CCDC186: variants seen among roughly 807,000 people sequenced by gnomAD.
The protein encoded by CCDC186 is coiled-coil domain containing 186.
In CCDC186, 49 loss-of-function variants were observed where a neutral mutation model predicts 113.7. The ratio of observed to expected loss-of-function variants is 0.43; its 90% CI spans 0.34 to 0.55. CCDC186 has a LOEUF of 0.55. CCDC186 is among the 20% of genes least tolerant of loss of function. The pLI is 0.02. For synonymous variants in CCDC186, 355 were observed against 345.8 expected (o/e 1.03, Z -0.30); for missense variants, 890 against 1,011.1 (o/e 0.88, Z 1.62).
rs534131057 is a variant in CCDC186, at chr10:114,167,797, C to T, written c.-61-4468G>A. 2.3e-3 allele frequency among the ~76,000 whole-genome samples: 239 copies of T among 103,192 alleles called. 1 individual carries two copies. The highest frequency in any genetic ancestry group is 3.4e-3 in the Non-Finnish European group (180 of 52,994). The allele number at this position is 103,192 out of a possible 152,430, so 67.7% of individuals were successfully genotyped here. On this transcript the variant is annotated intron_variant, in intron 1 of 15. Coordinates refer to ENST00000369287, the MANE Select transcript of CCDC186 (RefSeq NM_018017.4). The stretch of plus-strand genomic sequence containing the variant: ...GGGCAACATAACAAGACCTAATCTC[C>T]GTAAAAAAAAAAAAAAAAAAAAAAA...
intron 13 of CCDC186, among the ~76,000 whole-genome samples, chr10:114,127,949 CAG>C (rs1318731389): frequency 6.6e-6 from 1 of 151,980 alleles, no homozygotes; most frequent in Non-Finnish European, 1.5e-5. Flanking sequence ...TAAACTATAA[CAG>C]AACAAAGCAG....
chr10:114,133,498 T>C (rs2031158661), intron 10 of CCDC186, among the ~76,000 whole-genome samples: 2 of 152,110 alleles, frequency 1.3e-5, no homozygotes, highest in African/African-American at 4.8e-5. Flanking sequence ...CAGCATACTA[T>C]AAAAATAGTT....
chr10:114,173,482 A>G (rs867771741), intron 1 of CCDC186, among the ~76,000 whole-genome samples: 1 of 152,228 alleles, frequency 6.6e-6, no homozygotes, highest in Non-Finnish European at 1.5e-5. Flanking sequence ...TCCTTGAAAG[A>G]CAACATAAAG....
rs146919177 is a variant in CCDC186 at position 114,145,606 on chromosome 10, G to A, written c.1044C>T (p.Asn348=). The change falls in exon 5 of 16, where the codon AAC becomes AAT. Residue 348 remains asparagine, a synonymous_variant. Transcript: ENST00000369287. ...DANKELEKNT[N]KIKQLSQEKG... The stretch of plus-strand genomic sequence containing the variant: ...TCTCCTGAGAAAGCTGCTTAATTTT[G>A]TTAGTGTTTTTCTCAAGTTCCTTAT... The A allele has an allele frequency of 6.2e-7, 1 of 1,612,876 alleles. No homozygotes were observed. Among genetic ancestry groups the A allele is most frequent in the Non-Finnish European group, 8.5e-7 (1 of 1,179,840 alleles).
rs569038587 is a variant in CCDC186, at chr10:114,166,297, C to T, written c.-61-2968G>A. 1.2e-4 allele frequency among the ~76,000 whole-genome samples: 18 copies of T among 152,314 alleles called. No homozygotes were observed. In the East Asian group the frequency reaches 3.3e-3, roughly 28 times the overall value. ...CAGTCTAACTCAAAGATTCCCCCAA[C>T]TTGCGTATTAACATTTCAATGGCTT... On this transcript the variant is annotated intron_variant, in intron 1 of 15. Transcript: ENST00000369287.
At chr10:114,168,820 C>T (rs1411436221) in intron 1 of CCDC186, among the ~76,000 whole-genome samples, 2 of 152,198 alleles carry the variant, frequency 1.3e-5, no homozygotes, top group African/African-American at 4.8e-5. Flanking sequence ...AGTAAACTGC[C>T]TCTATCTGTG....
Position 114,123,061 on chromosome 10 carries a change from G to A in CCDC186, c.*2082C>T, listed in dbSNP as rs1197027233. 6 of 152,360 alleles carry A rather than the reference G, an allele frequency of 3.9e-5. No individual in the cohort carries two copies. Among genetic ancestry groups the A allele is most frequent in the Non-Finnish European group, 8.8e-5 (6 of 67,970 alleles). The allele number at this position is 152,360 out of a possible 1,614,324, so 9.4% of individuals were successfully genotyped here. A position where few individuals can be genotyped will look rare whatever the true frequency, so the allele number is the denominator to read the frequency against. On this transcript the variant is annotated 3_prime_UTR_variant, in exon 16 of 16. Transcript: ENST00000369287. The stretch of plus-strand genomic sequence containing the variant: ...TCCATTATACATTTTGTGCCTTGGG[G>A]AAAAAAATCCAAATATTGTAGTTTA...
chr10:114,164,643 G>A (rs547840276), intron 1 of CCDC186, among the ~76,000 whole-genome samples: 1 of 152,282 alleles, frequency 6.6e-6, no homozygotes, highest in South Asian at 2.1e-4. Flanking sequence ...ACAGATCATA[G>A]TTTTGACAGA....
chr10:114,169,799 CCA>C (rs1209325480), intron 1 of CCDC186, among the ~76,000 whole-genome samples: 2 of 152,274 alleles, frequency 1.3e-5, no homozygotes, highest in Non-Finnish European at 2.9e-5. Context: ...AAAAACGCAT[CCA>C]CACAGTTCAA....
At position 114,132,060 on chromosome 10, in the gene CCDC186, T is replaced by G; in HGVS notation, c.1780A>C (p.Arg594=). 1 of 1,613,636 alleles carries G rather than the reference T, an allele frequency of 6.2e-7. No individual in the cohort carries two copies. The highest frequency in any genetic ancestry group is 2.2e-5 in the East Asian group (1 of 44,806). Residue 594 remains arginine (R), a synonymous_variant, in exon 11 of 16, where the codon AGG becomes CGG. Coordinates refer to ENST00000369287, the MANE Select transcript of CCDC186 (RefSeq NM_018017.4). ...RESELLLFTE[R]LTSKNAQLQS... ...AGCTGTGCATTCTTACTAGTGAGCC[T>G]TTCTGTAAACAGCAGCAGCTCAGAT...
chr10:114,136,927 G>C (rs2119725319), intron 7 of CCDC186, among the ~76,000 whole-genome samples: 1 of 152,092 alleles, frequency 6.6e-6, no homozygotes, highest in South Asian at 2.1e-4. Flanking sequence ...GACCAGCCCA[G>C]CCAACATAGT....
intron 2 of CCDC186, among the ~76,000 whole-genome samples, chr10:114,159,880 T>C (rs1175935979): frequency 3.3e-5 from 5 of 152,038 alleles, no homozygotes; most frequent in African/African-American, 1.2e-4. Context: ...GAGGACAACT[T>C]GAGCACAGGA....
At chr10:114,141,522 G>C (rs1225194799) in intron 6 of CCDC186, among the ~76,000 whole-genome samples, 1 of 152,128 alleles carries the variant, frequency 6.6e-6, no homozygotes, top group African/African-American at 2.4e-5. Context: ...GTGTTGAGAG[G>C]TCATTTCTCT....
chr10:114,157,916 A>G (rs1165616491), intron 2 of CCDC186, among the ~76,000 whole-genome samples: 2 of 152,268 alleles, frequency 1.3e-5, no homozygotes, highest in African/African-American at 4.8e-5. Context: ...AAATCAAAAT[A>G]GAATCATATG....
Position 114,123,499 on chromosome 10 carries a change from A to G in CCDC186, c.*1644T>C, listed in dbSNP as rs182479301. ...GAGCCCAACTTTTAGAGCCCAAACAATTCTTTACAGGCTTTTAATCCATCA... is the reference window on the plus strand; with the variant it reads ...GAGCCCAACTTTTAGAGCCCAAACAGTTCTTTACAGGCTTTTAATCCATCA... On this transcript the variant is annotated 3_prime_UTR_variant, in exon 16 of 16. Transcript: ENST00000369287. 4 of 152,328 alleles carry G rather than the reference A, an allele frequency of 2.6e-5. No homozygotes were observed. Among genetic ancestry groups the G allele is most frequent in the Non-Finnish European group, 2.9e-5 (2 of 68,022 alleles). The allele number at this position is 152,328 out of a possible 1,614,324, so 9.4% of individuals were successfully genotyped here.
chr10:114,160,745 G>A (rs1489658755), intron 2 of CCDC186, among the ~76,000 whole-genome samples: 1 of 152,120 alleles, frequency 6.6e-6, no homozygotes, highest in East Asian at 1.9e-4. Context: ...TTCAAAGAAA[G>A]TAAAAGGAAG....
intron 5 of CCDC186, among the ~76,000 whole-genome samples, chr10:114,145,043 C>T (rs774004362): frequency 6.6e-6 from 1 of 151,932 alleles, no homozygotes; most frequent in Non-Finnish European, 1.5e-5. Context: ...TGCTAGTTAA[C>T]AGGAAGGGTT....
intron 2 of CCDC186, among the ~76,000 whole-genome samples, chr10:114,158,126 T>A (rs1383482141): frequency 6.6e-6 from 1 of 152,234 alleles, no homozygotes; most frequent in Admixed American, 6.5e-5. Flanking sequence ...AGGCCAGGGA[T>A]GCTGCTAAAC....
chr10:114,142,201 C>T (rs2031491017), intron 6 of CCDC186, among the ~76,000 whole-genome samples: 2 of 152,210 alleles, frequency 1.3e-5, no homozygotes, highest in Admixed American at 6.5e-5. Context: ...AAGCAACAGT[C>T]TTACCTCGGG....
Sources: gnomAD v4.1 joint callset for allele counts (sites outside exome capture counted in the v4.1 genomes callset) on GRCh38, gnomAD v4.1.1 for gene constraint, MANE v1.5 for transcripts, NCBI Gene and HGNC (gene_info 2026-07-23, HGNC 2026-07-21) for gene names.